ADAM23: variants seen among roughly 807,000 people sequenced by gnomAD.
The protein encoded by ADAM23 is ADAM metallopeptidase domain 23.
A neutral mutation model predicts 120.1 loss-of-function variants in ADAM23; 33 were observed. The ratio of observed to expected loss-of-function variants is 0.27; its 90% CI spans 0.21 to 0.37. The LOEUF is 0.37. Among genes scored for constraint, ADAM23 ranks in the 10% least tolerant of loss-of-function variants. ADAM23 has a pLI of 1.00. For missense variants in ADAM23, 862 were observed against 1,058.2 expected (o/e 0.81, Z 2.57); for synonymous variants, 367 against 375.2 (o/e 0.98, Z 0.25).
At chr2:206,598,055 G>A (rs909278145) in intron 24 of ADAM23, among the ~76,000 whole-genome samples, 5 of 152,162 alleles carry the variant, frequency 3.3e-5, no homozygotes, top group Admixed American at 6.5e-5. Context: ...AAAAGGGAAC[G>A]TATTCCACTT....
intron 3 of ADAM23, among the ~76,000 whole-genome samples, chr2:206,510,262 A>C (rs1248101751): frequency 6.6e-6 from 1 of 152,222 alleles, no homozygotes. Flanking sequence ...AATGAAAGGA[A>C]TTGGTGAAGA....
At chr2:206,457,425 A>T (rs758400824) in intron 2 of ADAM23, among the ~76,000 whole-genome samples, 1 of 152,174 alleles carries the variant, frequency 6.6e-6, no homozygotes, top group Non-Finnish European at 1.5e-5. Context: ...CTTTTTTCAC[A>T]CATCTGTGGG....
At chr2:206,588,959 C>T (rs916356418) in intron 20 of ADAM23, among the ~76,000 whole-genome samples, 10 of 152,094 alleles carry the variant, frequency 6.6e-5, no homozygotes, top group African/African-American at 2.2e-4. Flanking sequence ...AACTCAGGTG[C>T]CAACATAAAA....
chr2:206,599,681 C>T (rs552164933), intron 24 of ADAM23, among the ~76,000 whole-genome samples: 183 of 152,284 alleles, frequency 1.2e-3, no homozygotes, highest in African/African-American at 4.0e-3. Context: ...TAAAAGATAG[C>T]GTATGCTTGG....
chr2:206,530,552 C>T (rs992518711), intron 3 of ADAM23, among the ~76,000 whole-genome samples: 12 of 148,748 alleles, frequency 8.1e-5, no homozygotes, highest in African/African-American at 2.5e-4. Context: ...GGAGGCGGAG[C>T]TTGCAGTGAG....
At chr2:206,457,469 C>T (rs962663524) in intron 2 of ADAM23, among the ~76,000 whole-genome samples, 3 of 152,150 alleles carry the variant, frequency 2.0e-5, no homozygotes, top group East Asian at 1.9e-4. Context: ...TTGTAGACAG[C>T]TTTCTTCTTG....
chr2:206,600,618 G>A (rs1187672762), intron 24 of ADAM23, among the ~76,000 whole-genome samples: 1 of 152,110 alleles, frequency 6.6e-6, no homozygotes, highest in Non-Finnish European at 1.5e-5. Context: ...GATGTGTTTT[G>A]TGTATTTCTT....
At chr2:206,450,243 G>T (rs1453153701) in intron 2 of ADAM23, among the ~76,000 whole-genome samples, 1 of 152,112 alleles carries the variant, frequency 6.6e-6, no homozygotes, top group Admixed American at 6.5e-5. Flanking sequence ...TTATACTGTG[G>T]AACATGGGGA....
chr2:206,593,946 G>A (rs895103402), intron 22 of ADAM23, among the ~76,000 whole-genome samples: 1 of 150,960 alleles, frequency 6.6e-6, no homozygotes, highest in East Asian at 2.0e-4. Context: ...CTATCTGAAC[G>A]TATCTAAACA....
intron 22 of ADAM23, among the ~76,000 whole-genome samples, chr2:206,593,819 C>T (rs1698469750): frequency 6.6e-6 from 1 of 151,810 alleles, no homozygotes; most frequent in Non-Finnish European, 1.5e-5. Context: ...TCAAATTATA[C>T]CTAACTTTGA....
chr2:206,572,576 T>C (rs1259850477), intron 17 of ADAM23, among the ~76,000 whole-genome samples: 2 of 152,212 alleles, frequency 1.3e-5, no homozygotes, highest in Non-Finnish European at 2.9e-5. Context: ...ATGGGCTCTT[T>C]CCTTCACCTT....
chr2:206,531,936 G>A (rs938177330), intron 4 of ADAM23, among the ~76,000 whole-genome samples: 10 of 152,180 alleles, frequency 6.6e-5, no homozygotes, highest in Admixed American at 5.2e-4. Flanking sequence ...AGGAGGCCCT[G>A]GCATGTCTCA....
chr2:206,561,040 T>A, intron 11 of ADAM23, 88 bp from the exon 12 acceptor site: 1 of 1,111,004 alleles, frequency 9.0e-7, no homozygotes, highest in African/African-American at 1.5e-5. Context: ...TTTGGGGGTG[T>A]TCCATGTAGG....
intron 18 of ADAM23, among the ~76,000 whole-genome samples, chr2:206,581,848 C>T (rs973295120): frequency 6.6e-6 from 1 of 151,952 alleles, no homozygotes. Flanking sequence ...TATTGTGTTG[C>T]TGTCTATGTC....
chr2:206,581,437 A>G (rs1294971156), intron 18 of ADAM23, among the ~76,000 whole-genome samples: 1 of 152,126 alleles, frequency 6.6e-6, no homozygotes, highest in Non-Finnish European at 1.5e-5. Flanking sequence ...ATTGTCATTC[A>G]GTTCGAAGAA....
intron 25 of ADAM23, among the ~76,000 whole-genome samples, chr2:206,616,098 G>A (rs1046154904): frequency 1.3e-5 from 2 of 152,206 alleles, no homozygotes; most frequent in African/African-American, 4.8e-5. Context: ...AGGTCAGGCA[G>A]TCTCTGTTTT....
chr2:206,607,663 A>AT (rs368463850), intron 24 of ADAM23, among the ~76,000 whole-genome samples: 2 of 152,076 alleles, frequency 1.3e-5, no homozygotes, highest in Non-Finnish European at 2.9e-5. Flanking sequence ...GTGTATGTAT[A>AT]TTTTTTCTAA....
At chr2:206,554,397 T>C (rs1388949113) in intron 9 of ADAM23, among the ~76,000 whole-genome samples, 1 of 152,162 alleles carries the variant, frequency 6.6e-6, no homozygotes, top group Non-Finnish European at 1.5e-5. Context: ...AGAAAATTGG[T>C]TGAGATTTTT....
intron 18 of ADAM23, among the ~76,000 whole-genome samples, chr2:206,575,026 A>T (rs964274712): frequency 6.6e-6 from 1 of 152,170 alleles, no homozygotes; most frequent in Admixed American, 6.6e-5. Flanking sequence ...AGATGGTGGT[A>T]AGTACAAAGC....
Sources: allele counts gnomAD v4.1 joint callset (sites outside exome capture counted in the v4.1 genomes callset), GRCh38; gene constraint gnomAD v4.1.1; transcripts MANE v1.5; gene names NCBI Gene and HGNC (gene_info 2026-07-23, HGNC 2026-07-21).